Variants in ALDH3B2 observed in about 807,000 individuals in gnomAD.
ALDH3B2 encodes aldehyde dehydrogenase family 3 member B2.
In ALDH3B2, 45 loss-of-function variants were observed where a neutral mutation model predicts 36.7. The ratio of observed to expected loss-of-function variants is 1.23; its 90% CI spans 0.97 to 1.57. The LOEUF is 1.57. Ranked by LOEUF, ALDH3B2 falls within the 40% of genes most tolerant of loss-of-function variation. ALDH3B2 has a pLI of 0.00. For missense variants in ALDH3B2, 464 were observed against 513.3 expected (o/e 0.90, Z 0.93); for synonymous variants, 217 against 226.5 (o/e 0.96, Z 0.38).
At chr11:67,664,123 TC>T (rs1363137186) in intron 8 of ALDH3B2, 1 of 584,932 alleles carries the variant, frequency 1.7e-6, no homozygotes, top group Non-Finnish European at 3.0e-6. Flanking sequence ...ATTCCGGGCC[TC>T]TGCTTGCCTG....
In ALDH3B2 at chr11:67,664,126, G is replaced by A; in HGVS notation, c.873+270C>T. 1 of 588,064 alleles carries A rather than the reference G, an allele frequency of 1.7e-6. No homozygotes were observed. Among genetic ancestry groups the A allele is most frequent in the Non-Finnish European group, 3.0e-6 (1 of 334,192 alleles). The allele number at this position is 588,064 out of a possible 1,614,324, so 36.4% of individuals were successfully genotyped here. ...TCCCTGACCTCCATTCCGGGCCTCT[G>A]CTTGCCTGTGCAGAACCTTTGCACA... On this transcript the variant is annotated intron_variant, in intron 8 of 9. Coordinates refer to ENST00000349015, the Ensembl canonical transcript of ALDH3B2.
At chr11:67,665,921 T>C (rs563454866) in intron 6 of ALDH3B2, among the ~76,000 whole-genome samples, 1 of 152,278 alleles carries the variant, frequency 6.6e-6, no homozygotes, top group East Asian at 1.9e-4. Flanking sequence ...CACTGGGACC[T>C]GCCTCCAGCC....
chr11:67,673,103 T>C (rs1290830608), intron 1 of ALDH3B2, among the ~76,000 whole-genome samples: 2 of 151,966 alleles, frequency 1.3e-5, no homozygotes, highest in African/African-American at 4.8e-5. Context: ...GCTTATTTTT[T>C]GTGTTTTTAG....
Position 67,666,314 on chromosome 11 carries a change from A to C in ALDH3B2, c.237+2T>G. 1.2e-6 allele frequency: 2 copies of C among 1,608,178 alleles called. No individual in the cohort carries two copies. The highest frequency in any genetic ancestry group is 1.7e-6 in the Non-Finnish European group (2 of 1,177,328). ...GCACTGCTGGGGCAGGGCCACCCTC[A>C]CCTGGTCCAGGTACTGGGGCAGCAC... On this transcript the variant is annotated splice_donor_variant, in intron 5 of 9. Coordinates refer to ENST00000349015, the Ensembl canonical transcript of ALDH3B2. LOFTEE classifies it high-confidence loss of function.
chr11:67,680,108 G>A (rs1172193511), intron 1 of ALDH3B2, among the ~76,000 whole-genome samples: 1 of 152,090 alleles, frequency 6.6e-6, no homozygotes, highest in East Asian at 1.9e-4. Flanking sequence ...GAGGTCAGGA[G>A]TTTGAGACCA....
upstream of ALDH3B2, among the ~76,000 whole-genome samples, chr11:67,679,194 G>A (rs1353892838): frequency 6.6e-6 from 1 of 152,094 alleles, no homozygotes; most frequent in Non-Finnish European, 1.5e-5. Flanking sequence ...GGGGCCAGGT[G>A]CAGTGGCTCA....
intron 1 of ALDH3B2, among the ~76,000 whole-genome samples, chr11:67,670,282 G>A (rs71457796): frequency 6.7e-6 from 1 of 150,154 alleles, no homozygotes; most frequent in South Asian, 2.1e-4. Context: ...GTGTGTCTGT[G>A]TGTGTATGGG....
At chr11:67,663,372 C>T (rs1225048453) in exon 10 of ALDH3B2, 3 of 1,613,160 alleles carry the variant, frequency 1.9e-6, no homozygotes, top group Non-Finnish European at 1.7e-6. Context: ...GGTGAACTTG[C>T]CGTGGTACCG....
At chr11:67,666,318 G>T in exon 5 of ALDH3B2, 2 of 1,608,094 alleles carry the variant, frequency 1.2e-6, no homozygotes, top group Non-Finnish European at 1.7e-6. Context: ...ACCCTCACCT[G>T]GTCCAGGTAC....
chr11:67,664,309 C>T (rs1199193965), intron 8 of ALDH3B2, 87 bp downstream of exon 8: 6 of 1,589,990 alleles, frequency 3.8e-6, no homozygotes, highest in East Asian at 2.2e-5. Context: ...TGCTCTAAAG[C>T]CTTGCTGGGA....
intron 8 of ALDH3B2, chr11:67,664,088 C>A (rs1266872683): frequency 1.8e-6 from 1 of 557,234 alleles, no homozygotes; most frequent in African/African-American, 1.9e-5. Flanking sequence ...TATCAGGCCC[C>A]TGCTCTGCTC....
chr11:67,665,951 T>C (rs1419480563), intron 6 of ALDH3B2, among the ~76,000 whole-genome samples, 171 bp downstream of exon 6: 1 of 152,090 alleles, frequency 6.6e-6, no homozygotes, highest in Non-Finnish European at 1.5e-5. Context: ...CTGGATCCAG[T>C]TGCTGCAATG....
chr11:67,667,796 C>T (rs1203534209), intron 1 of ALDH3B2, 161 bp from the exon 2 acceptor site: 4 of 181,484 alleles, frequency 2.2e-5, no homozygotes, highest in Non-Finnish European at 3.4e-5. Flanking sequence ...AATGACCCCA[C>T]GGGGCTGGGG....
At chr11:67,665,481 C>A in exon 7 of ALDH3B2, 2 of 1,614,088 alleles carry the variant, frequency 1.2e-6, no homozygotes, top group Non-Finnish European at 1.7e-6. Context: ...CGGGGCTGCA[C>A]AGGACGTAGT....
At chr11:67,663,783 G>GGT (rs777333106) in intron 8 of ALDH3B2, 22 bp from the exon 9 acceptor site, 1 of 1,596,600 alleles carries the variant, frequency 6.3e-7, no homozygotes, top group African/African-American at 1.3e-5. Context: ...TGAGAAGGTG[G>GGT]GTGTTGGGCT....
chr11:67,665,511 GC>G lies in ALDH3B2; in HGVS notation c.479del (p.Gly160AlafsTer90). The G allele has an allele frequency of 6.2e-7, 1 of 1,613,966 alleles. No homozygotes were observed. The highest frequency in any genetic ancestry group is 2.2e-5 in the East Asian group (1 of 44,892). On this transcript the variant is annotated frameshift_variant, in exon 7 of 10. Coordinates refer to ENST00000349015, the Ensembl canonical transcript of ALDH3B2. LOFTEE classifies it high-confidence loss of function. Reference sequence around the variant, plus strand: ...CGTAGTCAGGGGCCACGCAGGTCTGGCCGGCATTGAAGTAGCAGAACCAGGC... The same window carrying G: ...CGTAGTCAGGGGCCACGCAGGTCTGGCGGCATTGAAGTAGCAGAACCAGGC...
chr11:67,666,108 C>T lies in ALDH3B2; in HGVS notation c.319+14G>A, dbSNP rs761759400. ...CCCTCCACCTACTCTGGGACCCTGG[C>T]CTGGCCCCCTCACCTGTGAAGAAGA... On this transcript the variant is annotated intron_variant, in intron 6 of 9. Transcript: ENST00000349015. 15 of 1,613,152 alleles carry T rather than the reference C, an allele frequency of 9.3e-6. No individual in the cohort carries two copies. The South Asian group carries it at 1.6e-4, about 18-fold the overall frequency.
intron 7 of ALDH3B2, 118 bp downstream of exon 7, chr11:67,665,167 G>A (rs1356544323): frequency 1.2e-5 from 18 of 1,490,344 alleles, no homozygotes; most frequent in East Asian, 6.9e-5. Flanking sequence ...GCTCAAGGCC[G>A]GGCTCTGATA....
upstream of ALDH3B2, among the ~76,000 whole-genome samples, chr11:67,676,597 C>T (rs1427004468): frequency 6.6e-6 from 1 of 151,320 alleles, no homozygotes; most frequent in African/African-American, 2.4e-5. Context: ...AGGAAATAAC[C>T]AAGATTAGAG....
Sources: gnomAD v4.1 joint callset for allele counts (sites outside exome capture counted in the v4.1 genomes callset) on GRCh38, gnomAD v4.1.1 for gene constraint, MANE v1.5 for transcripts, NCBI Gene and HGNC (gene_info 2026-07-23, HGNC 2026-07-21) for gene names.